The following DHRS11 variants were observed in gnomAD, a reference collection of about 807,000 sequenced individuals.
The protein encoded by DHRS11 is dehydrogenase/reductase 11.
DHRS11 carries 18 observed loss-of-function variants against 30.7 expected under a neutral mutation model. That is an observed-to-expected ratio of 0.59 (90% CI 0.41 to 0.87). The LOEUF (loss-of-function observed/expected upper bound fraction) is 0.87. DHRS11 is among the 40% of genes least tolerant of loss of function. DHRS11 has a pLI of 0.00. For missense variants in DHRS11, 300 were observed against 349.0 expected (o/e 0.86, Z 1.12); for synonymous variants, 123 against 139.6 (o/e 0.88, Z 0.84).
Position 36,598,916 on chromosome 17 carries a change from C to T in DHRS11, c.453-5C>T, listed in dbSNP as rs1256348996. On this transcript the variant is annotated splice_polypyrimidine_tract_variant and splice_region_variant and intron_variant, in intron 3 of 6. Transcript: ENST00000618403. ...CTCCTCTTTCCCCTTCCTCTCCCCA[C>T]CCAGCATGTCTGGCCACCGAGTGTT... is the stretch of plus-strand genomic sequence containing the variant. The T allele has an allele frequency of 6.2e-7, 1 of 1,610,934 alleles. No individual in the cohort carries two copies. The highest frequency in any genetic ancestry group is 1.1e-5 in the South Asian group (1 of 90,828).
In DHRS11 at chr17:36,592,859, T is replaced by C. The variant is rs74474830; in HGVS notation, c.147+703T>C. On this transcript the variant is annotated intron_variant, in intron 1 of 6. Coordinates refer to ENST00000618403, the MANE Select transcript of DHRS11 (RefSeq NM_024308.4). This position sits in a 1 kb window ranked among gnomAD's most constrained non-coding sequence, Gnocchi z 4.4. The stretch of plus-strand genomic sequence containing the variant: ...CTAGGCTCTCTCTGGATGTGCCCTG[T>C]AAGCTCATTCTCAGTGTCGGGCTAG... Among the ~76,000 whole-genome samples the C allele has an allele frequency of 0.072, 10,909 of 152,112 alleles. 667 individuals carry two copies. The highest frequency in any genetic ancestry group is 0.16 in the African/African-American group (6,748 of 41,452).
In DHRS11 at chr17:36,600,311, C is replaced by G. The variant is rs936650764; in HGVS notation, c.*108C>G. 9.8e-6 allele frequency: 13 copies of G among 1,322,620 alleles called. No individual in the cohort carries two copies. Among genetic ancestry groups the G allele is most frequent in the Non-Finnish European group, 1.3e-5 (12 of 939,958 alleles). The allele number at this position is 1,322,620 out of a possible 1,614,324, so 81.9% of individuals were successfully genotyped here. On this transcript the variant is annotated 3_prime_UTR_variant, in exon 7 of 7. Coordinates refer to ENST00000618403, the MANE Select transcript of DHRS11 (RefSeq NM_024308.4). ...ACGGGATACCACTTCCTGTCCACAC[C>G]CCGACCAGGGGCTAGAAAATTTGTT...
intron 2 of DHRS11, chr17:36,597,753 AG>A (rs1192667375): frequency 3.5e-6 from 1 of 281,938 alleles, no homozygotes; most frequent in Non-Finnish European, 6.8e-6. Flanking sequence ...AGGAGGGAGC[AG>A]GGCCAGAGAC....
intron 3 of DHRS11, chr17:36,598,486 C>G (rs2142820939): frequency 3.4e-6 from 2 of 580,738 alleles, no homozygotes; most frequent in South Asian, 4.2e-5. Flanking sequence ...GGGGCCTCTC[C>G]TGGGACTAAG....
chr17:36,592,200 C>T lies in DHRS11; in HGVS notation c.147+44C>T, dbSNP rs760557042. Reference sequence around the variant, plus strand: ...CGGGGACGTCGCGGGCGGGTCGTTTCCCCGGAGTCGGGTTCACCTGCCCGC... The same window carrying T: ...CGGGGACGTCGCGGGCGGGTCGTTTTCCCGGAGTCGGGTTCACCTGCCCGC... On this transcript the variant is annotated intron_variant, in intron 1 of 6. Coordinates refer to ENST00000618403, the MANE Select transcript of DHRS11 (RefSeq NM_024308.4). This position sits in a 1 kb window ranked among gnomAD's most constrained non-coding sequence, Gnocchi z 4.4. The T allele has an allele frequency of 1.0e-5, 13 of 1,247,270 alleles. No individual in the cohort carries two copies. Among genetic ancestry groups the T allele is most frequent in the East Asian group, 3.1e-5 (1 of 32,496 alleles). 77.3% of individuals were successfully genotyped at this position (1,247,270 alleles called of 1,614,324 possible).
Position 36,600,351 on chromosome 17 carries a change from C to T in DHRS11, c.*148C>T. On this transcript the variant is annotated 3_prime_UTR_variant, in exon 7 of 7. Transcript: ENST00000618403. ...GAAAATTTGTTTGAGATTTTTATAT[C>T]ATCTTGTCAAATTGCTTCAGTTGTA... The T allele has an allele frequency of 1.1e-6, 1 of 875,390 alleles. No homozygotes were observed. Among genetic ancestry groups the T allele is most frequent in the Non-Finnish European group, 1.8e-6 (1 of 566,748 alleles). 54.2% of individuals were successfully genotyped at this position (875,390 alleles called of 1,614,324 possible).
intron 2 of DHRS11, among the ~76,000 whole-genome samples, chr17:36,595,523 G>T (rs925526999): frequency 1.0e-4 from 14 of 137,380 alleles, no homozygotes; most frequent in African/African-American, 3.4e-4. Context: ...AGGTTCAAAC[G>T]ATTCTCCTGC....
chr17:36,596,396 G>A (rs367819823), intron 2 of DHRS11: 11 of 159,466 alleles, frequency 6.9e-5, no homozygotes, highest in East Asian at 1.8e-4. Context: ...GCCTAACCTC[G>A]TGATCCGCCT....
In DHRS11 at chr17:36,600,477, G is replaced by A; in HGVS notation, c.*274G>A. 1.7e-6 allele frequency: 1 copy of A among 581,066 alleles called. No homozygotes were observed. Among genetic ancestry groups the A allele is most frequent in the South Asian group, 2.1e-5 (1 of 47,772 alleles). The allele number at this position is 581,066 out of a possible 1,614,324, so 36.0% of individuals were successfully genotyped here. ...GGCACTTGGCCTTTGTCTGCTCTCA[G>A]TGTCTTCCCTTTGACATGGGAAAGG... On this transcript the variant is annotated 3_prime_UTR_variant, in exon 7 of 7. Coordinates refer to ENST00000618403, the MANE Select transcript of DHRS11 (RefSeq NM_024308.4).
Position 36,593,000 on chromosome 17 carries a change from T to C in DHRS11, c.147+844T>C, listed in dbSNP as rs1386325329. Among the ~76,000 whole-genome samples the C allele has an allele frequency of 6.6e-6, 1 of 151,980 alleles. No homozygotes were observed. On this transcript the variant is annotated intron_variant, in intron 1 of 6. Coordinates refer to ENST00000618403, the MANE Select transcript of DHRS11 (RefSeq NM_024308.4). This position sits in a 1 kb window ranked among gnomAD's most constrained non-coding sequence, Gnocchi z 4.4. Reference sequence around the variant, plus strand: ...GTATACAGGAAGGAGGACTGTCCCCTCCCCTGCTGCTGACCAAAGGTATGC... The same window carrying C: ...GTATACAGGAAGGAGGACTGTCCCCCCCCCTGCTGCTGACCAAAGGTATGC...
intron 2 of DHRS11, chr17:36,597,789 G>A: frequency 2.9e-6 from 1 of 340,974 alleles, no homozygotes; most frequent in South Asian, 2.8e-5. Flanking sequence ...GAAGAGTAGG[G>A]TATTTGGGGG....
rs1306232031 is a variant in DHRS11 at position 36,591,909 on chromosome 17, AC to A, written c.-98del. 11 of 1,175,576 alleles carry A rather than the reference AC, an allele frequency of 9.4e-6. No homozygotes were observed. The highest frequency in any genetic ancestry group is 1.2e-5 in the Non-Finnish European group (11 of 942,240). The allele number at this position is 1,175,576 out of a possible 1,614,324, so 72.8% of individuals were successfully genotyped here. A position where few individuals can be genotyped will look rare whatever the true frequency, so the allele number is the denominator to read the frequency against. On this transcript the variant is annotated 5_prime_UTR_variant, in exon 1 of 7. Transcript: ENST00000618403. ...TCTGGTGGGTCTAGGCGCGGATCGG[AC>A]CCAAGCAGGTCGGCGGCGGCGGCAG...
Position 36,600,408 on chromosome 17 carries a change from G to C in DHRS11, c.*205G>C, listed in dbSNP as rs2074850620. 4 of 649,202 alleles carry C rather than the reference G, an allele frequency of 6.2e-6. No homozygotes were observed. The highest frequency in any genetic ancestry group is 1.1e-5 in the Non-Finnish European group (4 of 377,456). The allele number at this position is 649,202 out of a possible 1,614,324, so 40.2% of individuals were successfully genotyped here. The stretch of plus-strand genomic sequence containing the variant: ...AAAAATGGGCTGGGGAAAGGAGGTG[G>C]TGTCCCTAATTGTTTTACTTGTTAA... On this transcript the variant is annotated 3_prime_UTR_variant, in exon 7 of 7. Coordinates refer to ENST00000618403, the MANE Select transcript of DHRS11 (RefSeq NM_024308.4).
rs769026210 is a variant in DHRS11 at position 36,598,946 on chromosome 17, CT to C, written c.479del (p.Leu160ArgfsTer3). The C allele has an allele frequency of 3.7e-6, 6 of 1,613,532 alleles. No homozygotes were observed. The highest frequency in any genetic ancestry group is 1.1e-5 in the South Asian group (1 of 91,050). ...NSMSGHRVLP[L>X]SVTHFYSATK... ...CATGTCTGGCCACCGAGTGTTACCC[CT>C]GTCTGTGACCCACTTCTATAGTGCC... On this transcript the variant is annotated frameshift_variant, in exon 4 of 7. Coordinates refer to ENST00000618403, the MANE Select transcript of DHRS11 (RefSeq NM_024308.4). LOFTEE classifies it high-confidence loss of function.
rs924920889 is a variant in DHRS11 at position 36,595,045 on chromosome 17, A to T, written c.222A>T (p.Glu74Asp). The change falls in exon 2 of 7, where the codon GAA becomes GAT. Residue 74 changes from glutamate to aspartate, a missense_variant. Physicochemically the swap from Glu to Asp is conservative, Grantham distance 45 (BLOSUM62 2). Transcript: ENST00000618403. The part of the protein sequence containing the change: ...LIPYRCDLSN[E>D]EDILSMFSAI... ...CCTACAGATGTGACCTATCAAATGA[A>T]GAGGACATCCTCTCCATGTTCTCAG... 2 of 1,614,096 alleles carry T rather than the reference A, an allele frequency of 1.2e-6. No homozygotes were observed. Among genetic ancestry groups the T allele is most frequent in the African/African-American group, 2.7e-5 (2 of 74,932 alleles).
In DHRS11 at chr17:36,600,025, C is replaced by T. The variant is rs139174854; in HGVS notation, c.729C>T (p.Pro243=). ...CTGTTATCTACGTCCTCAGCACCCC[C>T]GCACACATCCAGGTGAGTCTGGCCC... ...AEAVIYVLST[P]AHIQIGDIQM... is the part of the protein sequence containing the mutation. Residue 243 remains proline, a synonymous_variant, in exon 6 of 7, where the codon CCC becomes CCT. Coordinates refer to ENST00000618403, the MANE Select transcript of DHRS11 (RefSeq NM_024308.4). The T allele has an allele frequency of 8.8e-4, 1,413 of 1,613,828 alleles. 1 individual carries two copies. Among genetic ancestry groups the T allele is most frequent in the Non-Finnish European group, 9.9e-4 (1,171 of 1,179,910 alleles).
chr17:36,597,249 C>T (rs557309650), intron 2 of DHRS11: 1 of 205,726 alleles, frequency 4.9e-6, no homozygotes, highest in African/African-American at 2.3e-5. Flanking sequence ...AACACCAAGA[C>T]AGGTTCACAC....
Position 36,599,634 on chromosome 17 carries a change from A to T in DHRS11, c.583-37A>T, listed in dbSNP as rs2142823121. On this transcript the variant is annotated intron_variant, in intron 4 of 6. Coordinates refer to ENST00000618403, the MANE Select transcript of DHRS11 (RefSeq NM_024308.4). ...CCTCGACCTCCCCAAGACCTGGCAA[A>T]GCTCAGCCCCTGAGAAGGCCCTCTC... The T allele has an allele frequency of 1.9e-6, 3 of 1,611,172 alleles. No individual in the cohort carries two copies. In the Admixed American group the frequency reaches 5.0e-5, roughly 27 times the overall value.
At chr17:36,598,447 T>C in intron 3 of DHRS11, 190 bp downstream of exon 3, 1 of 620,782 alleles carries the variant, frequency 1.6e-6, no homozygotes, top group Admixed American at 3.0e-5. Context: ...AATGGGCAGC[T>C]TAGCCCCTTC....
Sources: allele counts gnomAD v4.1 joint callset (sites outside exome capture counted in the v4.1 genomes callset), GRCh38; gene constraint gnomAD v4.1.1; non-coding constraint Gnocchi (gnomAD v3.1); transcripts MANE v1.5; gene names NCBI Gene and HGNC (gene_info 2026-07-23, HGNC 2026-07-21).